GABRB3: variants seen among roughly 807,000 people sequenced by gnomAD.
GABRB3 encodes the protein gamma-aminobutyric acid receptor subunit beta-3.
GABRB3 carries 14 observed loss-of-function variants against 52.1 expected under a neutral mutation model. The ratio of observed to expected loss-of-function variants is 0.27; its 90% CI spans 0.18 to 0.42. The LOEUF is 0.42. Among genes scored for constraint, GABRB3 ranks in the 10% least tolerant of loss-of-function variants. GABRB3 has a pLI of 1.00. For missense variants in GABRB3, 307 were observed against 609.1 expected (o/e 0.50, Z 5.22); for synonymous variants, 260 against 232.3 (o/e 1.12, Z -1.08).
chr15:26,623,596 C>T (rs189014699), intron 3 of GABRB3, among the ~76,000 whole-genome samples: 177 of 152,256 alleles, frequency 1.2e-3, no homozygotes, highest in African/African-American at 4.1e-3. Flanking sequence ...ACCTATTATG[C>T]CATAAATTCA....
At chr15:26,639,319 C>A (rs1893137575) in intron 3 of GABRB3, among the ~76,000 whole-genome samples, 1 of 144,000 alleles carries the variant, frequency 6.9e-6, no homozygotes. Flanking sequence ...GGAGTCAAAC[C>A]AAGCTCGGAT....
intron 6 of GABRB3, among the ~76,000 whole-genome samples, chr15:26,573,313 C>T (rs1389134144): frequency 6.6e-6 from 1 of 151,932 alleles, no homozygotes; most frequent in African/African-American, 2.4e-5. Flanking sequence ...ATTTTTACTC[C>T]CATTACTAGT....
At position 26,622,504 on chromosome 15, in the gene GABRB3, T is replaced by A. The variant is rs184615070; in HGVS notation, c.241-970A>T. On this transcript the variant is annotated intron_variant, in intron 3 of 8. Coordinates refer to ENST00000311550, the MANE Select transcript of GABRB3 (RefSeq NM_000814.6). ...ACATCAAAGGTTAGGAGGTAAATTA[T>A]CCAACCACGGAGGGGAAAAAATCGC... Among the ~76,000 whole-genome samples, 4 of 152,296 alleles carry A rather than the reference T, an allele frequency of 2.6e-5. No individual in the cohort carries two copies. In the East Asian group the frequency reaches 7.7e-4, roughly 29 times the overall value.
intron 3 of GABRB3, among the ~76,000 whole-genome samples, chr15:26,680,763 T>C (rs570670022): frequency 6.6e-6 from 1 of 152,306 alleles, no homozygotes; most frequent in Admixed American, 6.5e-5. Context: ...TTCAACAACG[T>C]CATTAAGAGA....
chr15:26,728,590 G>A (rs1787870156), intron 3 of GABRB3, among the ~76,000 whole-genome samples: 1 of 152,146 alleles, frequency 6.6e-6, no homozygotes, highest in South Asian at 2.1e-4. Flanking sequence ...CACAGCACAC[G>A]CTGCCAACAC....
chr15:26,596,386 C>T (rs1430795809), intron 4 of GABRB3, among the ~76,000 whole-genome samples: 1 of 152,076 alleles, frequency 6.6e-6, no homozygotes, highest in African/African-American at 2.4e-5. Context: ...ATAAAAATGA[C>T]ATCTTCCTGA....
Position 26,772,930 on chromosome 15 carries a change from G to T in GABRB3, c.33C>A (p.Gly11=). MWGLAGGRLF[G]IFSAPVLVAV... ...CCACCAGCACCGGGGCCGAGAAGAT[G>T]CCGAAAAGCCTTCCTCCCGCAAGGC... Residue 11 remains glycine (G), a synonymous_variant, in exon 1 of 9, where the codon GGC becomes GGA. Coordinates refer to ENST00000311550, the MANE Select transcript of GABRB3 (RefSeq NM_000814.6). 1.3e-6 allele frequency: 2 copies of T among 1,490,150 alleles called. No individual in the cohort carries two copies. Among genetic ancestry groups the T allele is most frequent in the Middle Eastern group, 2.4e-4 (1 of 4,102 alleles). The allele number at this position is 1,490,150 out of a possible 1,614,324, so 92.3% of individuals were successfully genotyped here.
intron 6 of GABRB3, among the ~76,000 whole-genome samples, chr15:26,577,979 G>A (rs1362293601): frequency 6.6e-6 from 1 of 152,112 alleles, no homozygotes; most frequent in East Asian, 1.9e-4. Flanking sequence ...TAGTGATGAG[G>A]TCTCACTGTG....
At chr15:26,611,678 T>C (rs2100018692) in intron 4 of GABRB3, among the ~76,000 whole-genome samples, 1 of 152,220 alleles carries the variant, frequency 6.6e-6, no homozygotes, top group Non-Finnish European at 1.5e-5. Context: ...TTTTTTTTGT[T>C]TGTTTCTCTG....
At chr15:26,562,692 A>G (rs8040541) in intron 7 of GABRB3, among the ~76,000 whole-genome samples, 148,561 of 152,278 alleles carry the variant, frequency 0.98, 72,549 homozygotes, top group East Asian at 1. Flanking sequence ...CCACAGGGAG[A>G]ACCTTGAGAC....
intron 3 of GABRB3, among the ~76,000 whole-genome samples, chr15:26,672,988 A>C (rs1305475415): frequency 1.3e-5 from 2 of 152,238 alleles, no homozygotes; most frequent in East Asian, 3.8e-4. Context: ...ACTTATCAAA[A>C]GCCAATGCAC....
At chr15:26,551,183 T>A (rs546222349) in intron 8 of GABRB3, among the ~76,000 whole-genome samples, 1 of 152,286 alleles carries the variant, frequency 6.6e-6, no homozygotes, top group South Asian at 2.1e-4. Context: ...GGTTTTTGTT[T>A]TTTGTATGTC....
At chr15:26,729,438 C>T (rs1441153719) in intron 3 of GABRB3, among the ~76,000 whole-genome samples, 1 of 152,146 alleles carries the variant, frequency 6.6e-6, no homozygotes, top group Non-Finnish European at 1.5e-5. Context: ...CTGACTGCCA[C>T]CTCTCCATCA....
chr15:26,631,054 C>T (rs910294156), intron 3 of GABRB3, among the ~76,000 whole-genome samples: 9 of 152,182 alleles, frequency 5.9e-5, no homozygotes, highest in African/African-American at 1.7e-4. Context: ...GCCACAGTGC[C>T]GCTGGGAGGC....
intron 3 of GABRB3, among the ~76,000 whole-genome samples, chr15:26,649,593 A>C (rs1296184645): frequency 6.6e-6 from 1 of 151,778 alleles, no homozygotes; most frequent in Non-Finnish European, 1.5e-5. Context: ...CTACAGGGAA[A>C]GTGAGCTGAT....
intron 3 of GABRB3, among the ~76,000 whole-genome samples, chr15:26,687,759 G>C (rs905243997): frequency 3.3e-5 from 5 of 152,150 alleles, no homozygotes; most frequent in African/African-American, 1.2e-4. Flanking sequence ...AGCATATCTG[G>C]AGCTGTTAAT....
chr15:26,625,983 GC>G (rs1367368548), intron 3 of GABRB3, among the ~76,000 whole-genome samples: 1 of 152,148 alleles, frequency 6.6e-6, no homozygotes, highest in East Asian at 1.9e-4. Flanking sequence ...CACAGATACT[GC>G]ATTTTTAACA....
Position 26,764,215 on chromosome 15 carries a change from T to C in GABRB3, c.240+8187A>G, listed in dbSNP as rs1355281208. On this transcript the variant is annotated intron_variant, in intron 3 of 8. Transcript: ENST00000311550. ...ATATATATATATATATATATATATATATATATATATATATATATATAGTGT... is the reference window on the plus strand; with the variant it reads ...ATATATATATATATATATATATATACATATATATATATATATATATAGTGT... Among the ~76,000 whole-genome samples the C allele has an allele frequency of 4.2e-4, 35 of 83,536 alleles. 2 individuals carry two copies. The highest frequency in any genetic ancestry group is 6.3e-4 in the Non-Finnish European group (28 of 44,536). The allele number at this position is 83,536 out of a possible 152,430, so 54.8% of individuals were successfully genotyped here. A position where few individuals can be genotyped will look rare whatever the true frequency, so the allele number is the denominator to read the frequency against.
At chr15:26,587,233 A>G (rs929897025) in intron 4 of GABRB3, among the ~76,000 whole-genome samples, 17 of 152,332 alleles carry the variant, frequency 1.1e-4, no homozygotes, top group African/African-American at 4.1e-4. Flanking sequence ...AATTAAAAAA[A>G]TGGAGCCACT....
Sources: gnomAD v4.1 joint callset for allele counts (sites outside exome capture counted in the v4.1 genomes callset) on GRCh38, gnomAD v4.1.1 for gene constraint, MANE v1.5 for transcripts, NCBI Gene and HGNC (gene_info 2026-07-23, HGNC 2026-07-21) for gene names.